Variants in PCSK2 observed in about 807,000 individuals in gnomAD.
The protein encoded by PCSK2 is neuroendocrine convertase 2.
A neutral mutation model predicts 69.7 loss-of-function variants in PCSK2; 14 were observed. The observed-to-expected ratio is 0.20, with a 90% confidence interval of 0.13 to 0.31. The LOEUF (loss-of-function observed/expected upper bound fraction) is 0.31. PCSK2 is among the 10% of genes least tolerant of loss of function. The probability of loss-of-function intolerance (pLI) is 1.00; values close to 1 mark genes in which losing one functional copy is unlikely to be tolerated. For synonymous variants in PCSK2, 307 were observed against 320.7 expected, an observed-to-expected ratio of 0.96 and a Z score of 0.46; for missense variants, 544 against 842.5, an observed-to-expected ratio of 0.65 and a Z score of 4.39.
intron 2 of PCSK2, among the ~76,000 whole-genome samples, chr20:17,317,361 T>C (rs1864540544): frequency 1.3e-5 from 2 of 152,174 alleles, no homozygotes; most frequent in South Asian, 4.1e-4. Flanking sequence ...ATATTCATAG[T>C]CCTATATTCA....
chr20:17,372,478 G>A lies in PCSK2; in HGVS notation c.543+3201G>A, dbSNP rs543187776. 3.3e-5 allele frequency among the ~76,000 whole-genome samples: 5 copies of A among 152,004 alleles called. No homozygotes were observed. The East Asian group carries it at 7.7e-4, about 23-fold the overall frequency. On this transcript the variant is annotated intron_variant, in intron 5 of 11. Transcript: ENST00000262545. ...TGAAAGTAACAAATTCTTCATACCT[G>A]AAAATATTCAAGAGGAAGTTTGATG...
chr20:17,411,817 GA>G (rs2031880896), intron 6 of PCSK2, among the ~76,000 whole-genome samples: 1 of 152,240 alleles, frequency 6.6e-6, no homozygotes, highest in Non-Finnish European at 1.5e-5. Context: ...AAAGCTTCAA[GA>G]GGAAAGATCA....
chr20:17,474,388 C>A (rs1013331203), intron 11 of PCSK2, among the ~76,000 whole-genome samples: 2 of 152,164 alleles, frequency 1.3e-5, no homozygotes, highest in African/African-American at 4.8e-5. Flanking sequence ...ATTCTTAACA[C>A]AAGTTTGTGT....
rs1269376220 is a variant in PCSK2 at position 17,299,686 on chromosome 20, A to G, written c.282+39342A>G. On this transcript the variant is annotated intron_variant, in intron 2 of 11. Coordinates refer to ENST00000262545, the MANE Select transcript of PCSK2 (RefSeq NM_002594.5). ...TTTATTGTTTCCTCTGAGTTCTGGA[A>G]ATTTTTCTTAAGTTTACCTTTTCCT... Among the ~76,000 whole-genome samples the G allele has an allele frequency of 2.0e-5, 3 of 151,680 alleles. No homozygotes were observed. The East Asian group carries it at 5.8e-4, about 29-fold the overall frequency.
At chr20:17,392,197 G>T (rs575648618) in intron 5 of PCSK2, among the ~76,000 whole-genome samples, 1 of 152,096 alleles carries the variant, frequency 6.6e-6, no homozygotes, top group African/African-American at 2.4e-5. Context: ...AGGAAACTAC[G>T]CCTGTTCCTG....
At chr20:17,352,436 C>A (rs763229591) in intron 2 of PCSK2, among the ~76,000 whole-genome samples, 10 of 152,076 alleles carry the variant, frequency 6.6e-5, no homozygotes, top group Non-Finnish European at 8.8e-5. Context: ...TTGCATTACC[C>A]AATGTCATAT....
At chr20:17,346,212 G>T (rs1319262988) in intron 2 of PCSK2, among the ~76,000 whole-genome samples, 1 of 152,132 alleles carries the variant, frequency 6.6e-6, no homozygotes, top group African/African-American at 2.4e-5. Context: ...TGTATTCCTG[G>T]GTGGTGCTGG....
chr20:17,335,198 G>GAGGC (rs1162549485), intron 2 of PCSK2, among the ~76,000 whole-genome samples: 1 of 151,858 alleles, frequency 6.6e-6, no homozygotes, highest in Non-Finnish European at 1.5e-5. Context: ...GAGATTGGGG[G>GAGGC]GGTTGTCTGA....
At chr20:17,256,792 C>A (rs889385185) in intron 1 of PCSK2, among the ~76,000 whole-genome samples, 2 of 152,056 alleles carry the variant, frequency 1.3e-5, no homozygotes. Context: ...ACCCCACAGG[C>A]CCCAGTGTGT....
chr20:17,337,995 T>A (rs1339603734), intron 2 of PCSK2, among the ~76,000 whole-genome samples: 5 of 150,594 alleles, frequency 3.3e-5, no homozygotes, highest in Non-Finnish European at 7.4e-5. Flanking sequence ...CCTTTCTGCA[T>A]ACAATGTGCC....
At chr20:17,269,946 T>TCA (rs1987796167) in intron 2 of PCSK2, among the ~76,000 whole-genome samples, 1 of 152,146 alleles carries the variant, frequency 6.6e-6, no homozygotes, top group Non-Finnish European at 1.5e-5. Flanking sequence ...TTTTCATAGA[T>TCA]TTCAGAAAGA....
chr20:17,327,638 C>A (rs35257093), intron 2 of PCSK2, among the ~76,000 whole-genome samples: 5,647 of 152,308 alleles, frequency 0.037, 151 homozygotes, highest in Non-Finnish European at 0.058. Context: ...AGACAGTGCA[C>A]CCTCCACGAA....
intron 7 of PCSK2, among the ~76,000 whole-genome samples, chr20:17,432,669 A>T (rs1411391515): frequency 6.6e-6 from 1 of 152,218 alleles, no homozygotes; most frequent in Non-Finnish European, 1.5e-5. Context: ...AAAACCAAGC[A>T]AATGTACCAC....
intron 2 of PCSK2, among the ~76,000 whole-genome samples, chr20:17,273,987 C>A (rs1987962032): frequency 6.6e-6 from 1 of 152,094 alleles, no homozygotes; most frequent in Admixed American, 6.6e-5. Context: ...TGCTCACCAC[C>A]CATTAGCGAG....
Position 17,481,594 on chromosome 20 carries a change from T to C in PCSK2, c.1441T>C (p.Ser481Pro). ...TCACTCTGCCCTCAGGAAAATACCA[T>C]CCACTGGCAAGTTGGTGCTGACACT... ...GSVQDPEKIPSTGKLVLTLTT... is the reference protein window; with the variant it reads ...GSVQDPEKIPPTGKLVLTLTT... The change falls in exon 12 of 12, where the codon TCC (serine) becomes CCC (proline). Residue 481 changes from serine (S) to proline (P), a missense_variant. By Grantham distance (74) the Ser-to-Pro change is moderately conservative. This residue lies in a region of PCSK2 where 200 missense variants were observed against 287.8 expected (regional missense o/e 0.69). Transcript: ENST00000262545. The C allele has an allele frequency of 1.2e-6, 2 of 1,613,678 alleles. No homozygotes were observed. Among genetic ancestry groups the C allele is most frequent in the Admixed American group, 3.3e-5 (2 of 59,994 alleles).
At chr20:17,363,010 C>T (rs1467050161) in intron 4 of PCSK2, among the ~76,000 whole-genome samples, 3 of 152,224 alleles carry the variant, frequency 2.0e-5, no homozygotes, top group Non-Finnish European at 4.4e-5. Flanking sequence ...GACCTGCACG[C>T]ATGAATGGTA....
In PCSK2 at chr20:17,436,898, C is replaced by G; in HGVS notation, c.885+15C>G. The G allele has an allele frequency of 6.3e-7, 1 of 1,582,298 alleles. No individual in the cohort carries two copies. ...GCGTGAACAAGGTAAGGGGGCCGGC[C>G]CCCTAGGCCCCGGCCACTCACAAGT... is the stretch of plus-strand genomic sequence containing the variant. On this transcript the variant is annotated intron_variant, in intron 8 of 11. Transcript: ENST00000262545.
chr20:17,231,896 C>T (rs1290985380), intron 1 of PCSK2, among the ~76,000 whole-genome samples: 3 of 152,096 alleles, frequency 2.0e-5, no homozygotes, highest in Admixed American at 6.6e-5. Flanking sequence ...GGGCCAGGAC[C>T]ACTCTCATCC....
chr20:17,362,965 G>C (rs899247696), intron 4 of PCSK2, among the ~76,000 whole-genome samples: 1 of 152,210 alleles, frequency 6.6e-6, no homozygotes, highest in Non-Finnish European at 1.5e-5. Context: ...AACCGGGAAG[G>C]CTGGCAACAT....
Sources: allele counts gnomAD v4.1 joint callset (sites outside exome capture counted in the v4.1 genomes callset), GRCh38; gene constraint gnomAD v4.1.1; regional missense constraint gnomAD v4.1.1; transcripts MANE v1.5; gene names NCBI Gene and HGNC (gene_info 2026-07-23, HGNC 2026-07-21).